The following MS4A1 variants were observed in gnomAD, a reference collection of about 807,000 sequenced individuals.
MS4A1 encodes membrane spanning 4-domains A1.
In MS4A1, 16 loss-of-function variants were observed where a neutral mutation model predicts 26.5. The ratio of observed to expected loss-of-function variants is 0.60; its 90% CI spans 0.41 to 0.92. The LOEUF (loss-of-function observed/expected upper bound fraction) is 0.92. Among genes scored for constraint, MS4A1 ranks in the 40% least tolerant of loss-of-function variants. The pLI is 0.00. For missense variants in MS4A1, 350 were observed against 353.0 expected, an observed-to-expected ratio of 0.99 and a Z score of 0.07; for synonymous variants, 128 against 117.6, an observed-to-expected ratio of 1.09 and a Z score of -0.57.
intron 1 of MS4A1, among the ~76,000 whole-genome samples, chr11:60,457,602 T>C (rs1302762904): frequency 6.6e-6 from 1 of 152,118 alleles, no homozygotes; most frequent in Non-Finnish European, 1.5e-5. Context: ...ACAGCCAAGA[T>C]GAAGATGGAC....
chr11:60,464,147 G>T, intron 4 of MS4A1, 141 bp from the exon 5 acceptor site: 2 of 666,354 alleles, frequency 3.0e-6, no homozygotes, highest in Non-Finnish European at 2.7e-6. Context: ...TGATAAAAAT[G>T]GGTGGATGGT....
intron 5 of MS4A1, chr11:60,465,632 G>T: frequency 2.7e-6 from 1 of 374,992 alleles, no homozygotes; most frequent in South Asian, 3.3e-5. Context: ...GGCAGTGGCA[G>T]TGAAGGAAAT....
Position 60,468,112 on chromosome 11 carries a change from T to C in MS4A1, c.676-138T>C, listed in dbSNP as rs1215298903. On this transcript the variant is annotated intron_variant, in intron 7 of 7. Transcript: ENST00000345732. ...AAGGATATAAGCACCTGCAAAAAAA[T>C]TTTGGCATTTAAAGGCATATAATAA... The C allele has an allele frequency of 5.5e-6, 4 of 725,282 alleles. No homozygotes were observed. In the East Asian group the frequency reaches 1.1e-4, roughly 20 times the overall value. The allele number at this position is 725,282 out of a possible 1,614,324, so 44.9% of individuals were successfully genotyped here. A position where few individuals can be genotyped will look rare whatever the true frequency, so the allele number is the denominator to read the frequency against.
chr11:60,467,075 C>T lies in MS4A1; in HGVS notation c.675+15C>T, dbSNP rs978527127. The stretch of plus-strand genomic sequence containing the variant: ...GACCCAAATCTGTAAGTAGTAGCCC[C>T]TCTGGCCAAAACCTCCCTCTAGAAA... On this transcript the variant is annotated intron_variant, in intron 7 of 7. Coordinates refer to ENST00000345732, the MANE Select transcript of MS4A1 (RefSeq NM_152866.3). 34 of 1,605,680 alleles carry T rather than the reference C, an allele frequency of 2.1e-5. No individual in the cohort carries two copies. Among genetic ancestry groups the T allele is most frequent in the Non-Finnish European group, 2.6e-5 (30 of 1,172,534 alleles).
intron 1 of MS4A1, among the ~76,000 whole-genome samples, chr11:60,457,596 C>A (rs2086214718): frequency 6.6e-6 from 1 of 152,056 alleles, no homozygotes; most frequent in Admixed American, 6.5e-5. Flanking sequence ...TGACCAACAG[C>A]CAAGATGAAG....
At chr11:60,465,879 G>A (rs199579098) in intron 5 of MS4A1, 42 bp from the exon 6 acceptor site, 4 of 1,491,072 alleles carry the variant, frequency 2.7e-6, no homozygotes, top group South Asian at 2.3e-5. Flanking sequence ...GTTTTCCAAA[G>A]GGAAATCAAA....
At chr11:60,465,525 C>G (rs940227134) in intron 5 of MS4A1, among the ~76,000 whole-genome samples, 1 of 152,212 alleles carries the variant, frequency 6.6e-6, no homozygotes, top group African/African-American at 2.4e-5. Flanking sequence ...CTTCTTCACT[C>G]TCTTCCCTCT....
rs2086312267 is a variant in MS4A1, at chr11:60,468,318, G to A, written c.744G>A (p.Gly248=). ...QTIEIKEEVV[G]LTETSSQPKN... ...TTGAAATAAAAGAAGAAGTGGTTGG[G>A]CTAACTGAAACATCTTCCCAACCAA... The change falls in exon 8 of 8, where the codon GGG becomes GGA. Residue 248 remains glycine, a synonymous_variant. Coordinates refer to ENST00000345732, the MANE Select transcript of MS4A1 (RefSeq NM_152866.3). The A allele has an allele frequency of 2.5e-6, 4 of 1,613,780 alleles. No individual in the cohort carries two copies. The highest frequency in any genetic ancestry group is 3.4e-6 in the Non-Finnish European group (4 of 1,179,904).
chr11:60,466,659 T>G, intron 6 of MS4A1: 1 of 411,310 alleles, frequency 2.4e-6, no homozygotes, highest in South Asian at 2.3e-5. Context: ...GAATACAATT[T>G]AATTTGAGAC....
chr11:60,462,074 G>A (rs893269602), intron 2 of MS4A1, 111 bp from the exon 3 acceptor site: 3 of 461,694 alleles, frequency 6.5e-6, no homozygotes, highest in African/African-American at 2.0e-5. Flanking sequence ...ATATATGCAA[G>A]GTGTCCTCTA....
chr11:60,465,283 C>A (rs2086281886), intron 5 of MS4A1, among the ~76,000 whole-genome samples: 1 of 152,334 alleles, frequency 6.6e-6, no homozygotes, highest in African/African-American at 2.4e-5. Context: ...AGAACATTCA[C>A]ACTGATATTT....
intron 6 of MS4A1, 144 bp downstream of exon 6, chr11:60,466,301 A>C: frequency 2.6e-6 from 2 of 766,552 alleles, no homozygotes; most frequent in Non-Finnish European, 4.7e-6. Flanking sequence ...TTTTAACCAC[A>C]CTGTGCCTCA....
intron 3 of MS4A1, 31 bp from the exon 4 acceptor site, chr11:60,462,971 T>A (rs749381501): frequency 6.2e-7 from 1 of 1,611,856 alleles, no homozygotes; most frequent in Non-Finnish European, 8.5e-7. Context: ...TGATTTCAGC[T>A]CATCCACTGC....
chr11:60,456,401 A>G (rs1191896888), intron 1 of MS4A1, among the ~76,000 whole-genome samples: 1 of 152,242 alleles, frequency 6.6e-6, no homozygotes, highest in Non-Finnish European at 1.5e-5. Context: ...ACCAAATGAG[A>G]AAATAATCAG....
Position 60,464,286 on chromosome 11 carries a change from A to T in MS4A1, c.280-2A>T. On this transcript the variant is annotated splice_acceptor_variant, in intron 4 of 7. Coordinates refer to ENST00000345732, the MANE Select transcript of MS4A1 (RefSeq NM_152866.3). LOFTEE classifies it high-confidence loss of function. ...CATCTCCCCCACCTCTCTTTTTTAC[A>T]GTATATTATTTCCGGATCACTCCTG... 1 of 1,530,758 alleles carries T rather than the reference A, an allele frequency of 6.5e-7. No homozygotes were observed. Among genetic ancestry groups the T allele is most frequent in the Non-Finnish European group, 8.8e-7 (1 of 1,132,628 alleles). 94.8% of individuals were successfully genotyped at this position (1,530,758 alleles called of 1,614,324 possible).
rs999035095 is a variant in MS4A1 at position 60,468,774 on chromosome 11, T to A, written c.*306T>A. 5 of 267,738 alleles carry A rather than the reference T, an allele frequency of 1.9e-5. No homozygotes were observed. Among genetic ancestry groups the A allele is most frequent in the Non-Finnish European group, 3.5e-5 (5 of 143,322 alleles). 16.6% of individuals were successfully genotyped at this position (267,738 alleles called of 1,614,324 possible). A position where few individuals can be genotyped will look rare whatever the true frequency, so the allele number is the denominator to read the frequency against. On this transcript the variant is annotated 3_prime_UTR_variant, in exon 8 of 8. Coordinates refer to ENST00000345732, the MANE Select transcript of MS4A1 (RefSeq NM_152866.3). ...CTTGGATAGGCTTTTTAGTATAGTA[T>A]TTTTTTTTGTCATTTTCTCCATCAA...
rs200970608 is a variant in MS4A1 at position 60,469,916 on chromosome 11, A to G, written c.*1448A>G. The G allele has an allele frequency of 9.9e-5, 15 of 152,154 alleles. No individual in the cohort carries two copies. The highest frequency in any genetic ancestry group is 2.6e-4 in the African/African-American group (11 of 41,560). 9.4% of individuals were successfully genotyped at this position (152,154 alleles called of 1,614,324 possible). A position where few individuals can be genotyped will look rare whatever the true frequency, so the allele number is the denominator to read the frequency against. The stretch of plus-strand genomic sequence containing the variant: ...AGAGACAATGTAATTTGCACTCCCT[A>G]TGATATTTCTACATTTTTAGCGACC... On this transcript the variant is annotated 3_prime_UTR_variant, in exon 8 of 8. Transcript: ENST00000345732.
chr11:60,462,114 G>T, intron 2 of MS4A1, 71 bp from the exon 3 acceptor site: 1 of 577,218 alleles, frequency 1.7e-6, no homozygotes, highest in Admixed American at 2.3e-5. Flanking sequence ...AAACCCAGTT[G>T]TCAAGATCAC....
rs199580963 is a variant in MS4A1, at chr11:60,470,290, G to T, written c.*1822G>T. On this transcript the variant is annotated 3_prime_UTR_variant, in exon 8 of 8. Transcript: ENST00000345732. Reference sequence around the variant, plus strand: ...ATTCCTTATTCTGAGAACTCCAGACGACTGAAATATATGAGAGAAGGAAAA... The same window carrying T: ...ATTCCTTATTCTGAGAACTCCAGACTACTGAAATATATGAGAGAAGGAAAA... 6.6e-6 allele frequency: 1 copy of T among 151,870 alleles called. No individual in the cohort carries two copies. Among genetic ancestry groups the T allele is most frequent in the African/African-American group, 2.4e-5 (1 of 41,386 alleles). 9.4% of individuals were successfully genotyped at this position (151,870 alleles called of 1,614,324 possible). A position where few individuals can be genotyped will look rare whatever the true frequency, so the allele number is the denominator to read the frequency against.
Sources: allele counts gnomAD v4.1 joint callset (sites outside exome capture counted in the v4.1 genomes callset), GRCh38; gene constraint gnomAD v4.1.1; transcripts MANE v1.5; gene names NCBI Gene and HGNC (gene_info 2026-07-23, HGNC 2026-07-21).